The following TEAD1 variants were observed in gnomAD, a reference collection of about 807,000 sequenced individuals.
TEAD1 encodes TEA domain transcription factor 1, also known as transcriptional enhancer factor TEF-1.
TEAD1 carries 9 observed loss-of-function variants against 54.9 expected under a neutral mutation model. The observed-to-expected ratio is 0.16, with a 90% CI of 0.10 to 0.29. The LOEUF is 0.29. Among genes scored for constraint, TEAD1 ranks in the 10% least tolerant of loss-of-function variants. TEAD1 has a pLI of 1.00. For missense variants in TEAD1, 387 were observed against 535.9 expected, an observed-to-expected ratio of 0.72 and a Z score of 2.74; for synonymous variants, 200 against 187.8, an observed-to-expected ratio of 1.07 and a Z score of -0.53.
At chr11:12,928,899 G>A (rs78117148) in intron 11 of TEAD1, among the ~76,000 whole-genome samples, 2,310 of 152,268 alleles carry the variant, frequency 0.015, 51 homozygotes, top group African/African-American at 0.053. Flanking sequence ...TCTCTTAGCA[G>A]TTTTCGAGGA....
At chr11:12,894,756 T>C (rs1289516843) in intron 9 of TEAD1, among the ~76,000 whole-genome samples, 2 of 152,208 alleles carry the variant, frequency 1.3e-5, no homozygotes, top group African/African-American at 4.8e-5. Context: ...AGGTTTTTGT[T>C]ATCAGAGGGA....
At chr11:12,817,282 C>G (rs1199153685) in intron 3 of TEAD1, among the ~76,000 whole-genome samples, 1 of 152,090 alleles carries the variant, frequency 6.6e-6, no homozygotes, top group Non-Finnish European at 1.5e-5. Context: ...AGAAATTAGC[C>G]AATTTTACTT....
At chr11:12,718,676 C>T (rs1231218325) in intron 2 of TEAD1, among the ~76,000 whole-genome samples, 3 of 151,728 alleles carry the variant, frequency 2.0e-5, no homozygotes, top group East Asian at 1.9e-4. Flanking sequence ...TTTCTGAATC[C>T]AGTTCCTTCC....
chr11:12,920,515 A>G (rs1228404593), intron 10 of TEAD1, among the ~76,000 whole-genome samples: 1 of 152,052 alleles, frequency 6.6e-6, no homozygotes, highest in Non-Finnish European at 1.5e-5. Context: ...GCTTTCCCCC[A>G]TGCTTAGAAA....
chr11:12,929,204 GCTT>G (rs1948966285), intron 11 of TEAD1, among the ~76,000 whole-genome samples: 1 of 139,046 alleles, frequency 7.2e-6, no homozygotes, highest in Non-Finnish European at 1.5e-5. Flanking sequence ...GTGTGTGTCT[GCTT>G]TAGGGTTATG....
chr11:12,887,741 A>G (rs1172059554), intron 9 of TEAD1, among the ~76,000 whole-genome samples: 1 of 152,238 alleles, frequency 6.6e-6, no homozygotes, highest in Non-Finnish European at 1.5e-5. Context: ...CAACAGAAAC[A>G]TTAAGGCCAT....
At chr11:12,851,441 TATC>T (rs1391412959) in intron 3 of TEAD1, among the ~76,000 whole-genome samples, 1 of 152,238 alleles carries the variant, frequency 6.6e-6, no homozygotes, top group Non-Finnish European at 1.5e-5. Flanking sequence ...GCCATTTTAT[TATC>T]TATATGTATC....
At chr11:12,776,421 G>T (rs1045709841) in intron 3 of TEAD1, among the ~76,000 whole-genome samples, 1 of 151,964 alleles carries the variant, frequency 6.6e-6, no homozygotes, top group African/African-American at 2.4e-5. Context: ...GAGGGTTGGG[G>T]GCTTCTCTCT....
chr11:12,875,902 A>G (rs1287125568), intron 5 of TEAD1, among the ~76,000 whole-genome samples: 1 of 152,266 alleles, frequency 6.6e-6, no homozygotes, highest in East Asian at 1.9e-4. Context: ...TTAAACCCAG[A>G]AGGACATTAG....
rs1428845051 is a variant in TEAD1, at chr11:12,879,730, C to T, written c.353C>T (p.Ala118Val). 1.9e-6 allele frequency: 3 copies of T among 1,614,196 alleles called. No individual in the cohort carries two copies. In the South Asian group the frequency reaches 3.3e-5, roughly 18 times the overall value. ...AAGGATCAGACTGCAAAGGATAAGG[C>T]CCTGCAGCACATGGCGGCCATGTCC... Residue 118 changes from alanine to valine, a missense_variant, in exon 6 of 13, where the codon GCC (alanine) becomes GTC (valine). Coordinates refer to ENST00000527636, the MANE Select transcript of TEAD1 (RefSeq NM_021961.6).
At chr11:12,855,902 C>T (rs1229906217) in intron 3 of TEAD1, among the ~76,000 whole-genome samples, 2 of 149,998 alleles carry the variant, frequency 1.3e-5, no homozygotes, top group African/African-American at 4.9e-5. Context: ...GAGCCATGAT[C>T]ATGCCACTGC....
chr11:12,924,765 TATTGA>T, intron 10 of TEAD1, 142 bp from the exon 11 acceptor site: 1 of 916,288 alleles, frequency 1.1e-6, no homozygotes, highest in Non-Finnish European at 1.8e-6. Flanking sequence ...GACAGATGGG[TATTGA>T]ACTTGTTTCT....
At chr11:12,861,777 G>A (rs946601903) in intron 3 of TEAD1, among the ~76,000 whole-genome samples, 3 of 152,122 alleles carry the variant, frequency 2.0e-5, no homozygotes, top group Non-Finnish European at 2.9e-5. Flanking sequence ...ACCTGAGGTC[G>A]GGGGTTCGAG....
At chr11:12,800,651 A>G (rs1047969224) in intron 3 of TEAD1, among the ~76,000 whole-genome samples, 1 of 152,218 alleles carries the variant, frequency 6.6e-6, no homozygotes, top group African/African-American at 2.4e-5. Flanking sequence ...TAGGGAATGC[A>G]ATGAAAGTGA....
intron 3 of TEAD1, among the ~76,000 whole-genome samples, chr11:12,771,852 C>A (rs1252539554): frequency 6.6e-6 from 1 of 152,144 alleles, no homozygotes; most frequent in South Asian, 2.1e-4. Context: ...AAGTGATTGC[C>A]TTTTTCAGAA....
chr11:12,722,229 G>C (rs528799986), intron 2 of TEAD1, among the ~76,000 whole-genome samples: 1 of 152,180 alleles, frequency 6.6e-6, no homozygotes, highest in Non-Finnish European at 1.5e-5. Flanking sequence ...CTTTTGAACA[G>C]AACAGATCTG....
chr11:12,909,126 T>C (rs1039160458), intron 10 of TEAD1, among the ~76,000 whole-genome samples: 4 of 152,204 alleles, frequency 2.6e-5, no homozygotes. Context: ...ACATCTGCTT[T>C]TATTTTTTCT....
At chr11:12,721,928 C>T (rs1040272215) in intron 2 of TEAD1, among the ~76,000 whole-genome samples, 2 of 152,186 alleles carry the variant, frequency 1.3e-5, no homozygotes, top group Non-Finnish European at 1.5e-5. Flanking sequence ...GCTTCTCAAA[C>T]ATCCCTGTGC....
intron 3 of TEAD1, among the ~76,000 whole-genome samples, chr11:12,822,007 A>G (rs1454311347): frequency 1.3e-4 from 13 of 99,258 alleles, no homozygotes; most frequent in Non-Finnish European, 5.5e-5. Context: ...TCTGTCACCC[A>G]GGCTGGAGTG....
Sources: gnomAD v4.1 joint callset for allele counts (sites outside exome capture counted in the v4.1 genomes callset) on GRCh38, gnomAD v4.1.1 for gene constraint, MANE v1.5 for transcripts, NCBI Gene and HGNC (gene_info 2026-07-23, HGNC 2026-07-21) for gene names.